ZNF257: variants seen among roughly 807,000 people sequenced by gnomAD.
The protein encoded by ZNF257 is bone marrow zinc finger 4.
ZNF257 carries 12 observed loss-of-function variants against 11.9 expected under a neutral mutation model. The ratio of observed to expected loss-of-function variants is 1.01; its 90% CI spans 0.65 to 1.63. The LOEUF is 1.63. Among genes scored for constraint, ZNF257 ranks in the 40% most tolerant of loss-of-function variants. The pLI, the probability that ZNF257 is intolerant of heterozygous loss-of-function variation, is 0.00. For synonymous variants in ZNF257, 183 were observed against 222.7 expected (o/e 0.82, Z 1.59); for missense variants, 580 against 665.5 (o/e 0.87, Z 1.41).
chr19:22,062,984 G>A (rs934402158), intron 1 of ZNF257, among the ~76,000 whole-genome samples: 1 of 152,058 alleles, frequency 6.6e-6, no homozygotes, highest in Non-Finnish European at 1.5e-5. Flanking sequence ...AGAACTTTTT[G>A]GATGGTAGGC....
chr19:22,072,665 A>G, intron 1 of ZNF257, 144 bp from the exon 2 acceptor site: 3 of 883,290 alleles, frequency 3.4e-6, no homozygotes, highest in Non-Finnish European at 5.0e-6. Context: ...TGTGTTAAAA[A>G]AATATTTTCT....
chr19:22,090,161 C>G lies in ZNF257; in HGVS notation c.*719C>G, dbSNP rs752404403. The G allele has an allele frequency of 1.6e-4, 24 of 152,130 alleles. No individual in the cohort carries two copies. The highest frequency in any genetic ancestry group is 2.9e-4 in the Non-Finnish European group (20 of 68,060). 9.4% of individuals were successfully genotyped at this position (152,130 alleles called of 1,614,324 possible). A position where few individuals can be genotyped will look rare whatever the true frequency, so the allele number is the denominator to read the frequency against. ...TAATATTTGCTCACATATTACACAT[C>G]AGAGAGTTCATACTTAATAAAAGTA... is the stretch of plus-strand genomic sequence containing the variant. On this transcript the variant is annotated 3_prime_UTR_variant, in exon 4 of 4. Coordinates refer to ENST00000594947, the MANE Select transcript of ZNF257 (RefSeq NM_033468.4).
intron 1 of ZNF257, 37 bp downstream of exon 1, chr19:22,052,672 AG>A (rs1292425223): frequency 6.2e-7 from 1 of 1,603,260 alleles, no homozygotes. Flanking sequence ...GGAGAGGGGA[AG>A]GGGGTGGTTG....
rs1310316509 is a variant in ZNF257 at position 22,089,954 on chromosome 19, TATAAA to T, written c.*513_*517del. 2 of 155,534 alleles carry T rather than the reference TATAAA, an allele frequency of 1.3e-5. No individual in the cohort carries two copies. The highest frequency in any genetic ancestry group is 2.9e-5 in the Non-Finnish European group (2 of 70,104). The allele number at this position is 155,534 out of a possible 1,614,324, so 9.6% of individuals were successfully genotyped here. The stretch of plus-strand genomic sequence containing the variant: ...TTATACTAGTGCGAAACTCTAGAAA[TATAAA>T]GAACATGAAAAACTTTTAAATGGTT... On this transcript the variant is annotated 3_prime_UTR_variant, in exon 4 of 4. Coordinates refer to ENST00000594947, the MANE Select transcript of ZNF257 (RefSeq NM_033468.4).
At chr19:22,079,844 C>T (rs1298777634) in intron 3 of ZNF257, among the ~76,000 whole-genome samples, 1 of 151,898 alleles carries the variant, frequency 6.6e-6, no homozygotes, top group Non-Finnish European at 1.5e-5. Context: ...ATTTTTGGCC[C>T]CTGAGCAAGA....
chr19:22,083,902 G>T (rs1404365991), intron 3 of ZNF257, among the ~76,000 whole-genome samples: 2 of 152,128 alleles, frequency 1.3e-5, no homozygotes, highest in African/African-American at 2.4e-5. Context: ...CACTTTGGGA[G>T]ACCAAGGTGG....
intron 1 of ZNF257, among the ~76,000 whole-genome samples, chr19:22,065,584 C>A (rs1218142194): frequency 6.6e-6 from 1 of 151,930 alleles, no homozygotes; most frequent in African/African-American, 2.4e-5. Context: ...ATCTAATGTT[C>A]AAAAAATTTA....
At chr19:22,084,527 A>G (rs914033009) in intron 3 of ZNF257, among the ~76,000 whole-genome samples, 2 of 152,070 alleles carry the variant, frequency 1.3e-5, no homozygotes, top group Non-Finnish European at 1.5e-5. Context: ...CAAAAGTGCA[A>G]TGAGAAATTT....
intron 3 of ZNF257, chr19:22,087,543 T>A: frequency 8.1e-7 from 1 of 1,229,170 alleles, no homozygotes; most frequent in Non-Finnish European, 1.0e-6. Flanking sequence ...TTTTATTTAA[T>A]GGGAGAATGA....
chr19:22,085,944 A>G (rs986571406), intron 3 of ZNF257, among the ~76,000 whole-genome samples: 1 of 152,172 alleles, frequency 6.6e-6, no homozygotes, highest in Non-Finnish European at 1.5e-5. Context: ...TTTAATTATT[A>G]GTTCTAAACT....
Position 22,087,996 on chromosome 19 carries a change from TGAAGA to T in ZNF257, c.247_251del (p.Glu83ProfsTer20). The T allele has an allele frequency of 2.1e-6, 3 of 1,462,346 alleles. No individual in the cohort carries two copies. The highest frequency in any genetic ancestry group is 2.7e-6 in the Non-Finnish European group (3 of 1,107,178). The allele number at this position is 1,462,346 out of a possible 1,614,324, so 90.6% of individuals were successfully genotyped here. A position where few individuals can be genotyped will look rare whatever the true frequency, so the allele number is the denominator to read the frequency against. ...TTTTAGTTATGTGTTCTCATATTGC[TGAAGA>T]CCTTTGCCCAGAGCGAGACATAAAA... On this transcript the variant is annotated frameshift_variant, in exon 4 of 4. Coordinates refer to ENST00000594947, the MANE Select transcript of ZNF257 (RefSeq NM_033468.4). LOFTEE classifies it low-confidence loss of function (END_TRUNC).
At chr19:22,054,060 C>T (rs192226046) in intron 1 of ZNF257, among the ~76,000 whole-genome samples, 275 of 150,294 alleles carry the variant, frequency 1.8e-3, no homozygotes, top group African/African-American at 6.4e-3. Flanking sequence ...ACTAATTTTC[C>T]GCTGATTTGT....
At chr19:22,084,725 A>G (rs1431163159) in intron 3 of ZNF257, among the ~76,000 whole-genome samples, 1 of 143,700 alleles carries the variant, frequency 7.0e-6, no homozygotes, top group Non-Finnish European at 1.5e-5. Context: ...AGTAATCTAT[A>G]AAATTTTAGG....
intron 1 of ZNF257, among the ~76,000 whole-genome samples, chr19:22,053,691 C>T (rs1161840038): frequency 3.3e-5 from 5 of 152,122 alleles, no homozygotes; most frequent in Admixed American, 3.3e-4. Context: ...TTTGGGAGGC[C>T]CAGGCGGGCG....
At chr19:22,086,815 T>C (rs2022487377) in intron 3 of ZNF257, among the ~76,000 whole-genome samples, 1 of 152,102 alleles carries the variant, frequency 6.6e-6, no homozygotes, top group South Asian at 2.1e-4. Flanking sequence ...TGCCAATAAA[T>C]GACACATCAC....
At position 22,063,948 on chromosome 19, in the gene ZNF257, G is replaced by C. The variant is rs952984211; in HGVS notation, c.4-8861G>C. 4 of 152,240 alleles carry C rather than the reference G, an allele frequency of 2.6e-5. No individual in the cohort carries two copies. The South Asian group carries it at 6.2e-4, about 24-fold the overall frequency. 9.4% of individuals were successfully genotyped at this position (152,240 alleles called of 1,614,324 possible). A position where few individuals can be genotyped will look rare whatever the true frequency, so the allele number is the denominator to read the frequency against. Reference sequence around the variant, plus strand: ...CAAGGATCTGTCTAATAGTTTCTGTGGGGTGTTGTAGTCTCCTACTGTTGT... The same window carrying C: ...CAAGGATCTGTCTAATAGTTTCTGTCGGGTGTTGTAGTCTCCTACTGTTGT... On this transcript the variant is annotated intron_variant, in intron 1 of 3. Coordinates refer to ENST00000594947, the MANE Select transcript of ZNF257 (RefSeq NM_033468.4).
intron 1 of ZNF257, among the ~76,000 whole-genome samples, chr19:22,055,505 C>CA (rs910949049): frequency 5.3e-5 from 8 of 151,322 alleles, no homozygotes; most frequent in Non-Finnish European, 8.8e-5. Context: ...CGTGCCTGGC[C>CA]AAAAAACAGT....
chr19:22,085,322 G>A (rs1420259582), intron 3 of ZNF257, among the ~76,000 whole-genome samples: 1 of 152,020 alleles, frequency 6.6e-6, no homozygotes, highest in Non-Finnish European at 1.5e-5. Flanking sequence ...ACCTGCCGTG[G>A]CCTCCCAAAG....
At chr19:22,084,414 G>T (rs2022427738) in intron 3 of ZNF257, among the ~76,000 whole-genome samples, 1 of 151,428 alleles carries the variant, frequency 6.6e-6, no homozygotes, top group South Asian at 2.1e-4. Flanking sequence ...TTGAAATAAG[G>T]AATTATAATG....
Sources: gnomAD v4.1 joint callset for allele counts (sites outside exome capture counted in the v4.1 genomes callset) on GRCh38, gnomAD v4.1.1 for gene constraint, MANE v1.5 for transcripts, NCBI Gene and HGNC (gene_info 2026-07-23, HGNC 2026-07-21) for gene names.